The following KMT2B variants were observed in gnomAD, a reference collection of about 807,000 sequenced individuals.
The protein encoded by KMT2B is lysine methyltransferase 2B, also known as histone-lysine N-methyltransferase 2B.
KMT2B carries 22 observed loss-of-function variants against 255.3 expected under a neutral mutation model. That is an observed-to-expected ratio of 0.09 (90% CI 0.06 to 0.12). The LOEUF is 0.12. Among genes scored for constraint, KMT2B ranks in the 10% least tolerant of loss-of-function variants. KMT2B has a pLI of 1.00. For synonymous variants in KMT2B, 1,730 were observed against 1,498.1 expected (o/e 1.15, Z -3.57); for missense variants, 3,149 against 3,737.0 (o/e 0.84, Z 4.10).
chr19:35,729,898 C>T (rs1853336213), intron 22 of KMT2B, 69 bp from the exon 23 acceptor site: 2 of 1,476,644 alleles, frequency 1.4e-6, no homozygotes, highest in Non-Finnish European at 1.8e-6. Context: ...CATGCAGACT[C>T]AGTGACAGTG....
intron 14 of KMT2B, among the ~76,000 whole-genome samples, chr19:35,726,708 G>A (rs1327224053): frequency 6.6e-6 from 1 of 152,202 alleles, no homozygotes; most frequent in Non-Finnish European, 1.5e-5. Flanking sequence ...CTAAGGCCGA[G>A]CACAGTGGCT....
rs536497393 is a variant in KMT2B, at chr19:35,719,551, G to T, written c.436+10G>T. 1.9e-6 allele frequency: 3 copies of T among 1,582,192 alleles called. No individual in the cohort carries two copies. Among genetic ancestry groups the T allele is most frequent in the Admixed American group, 1.8e-5 (1 of 55,268 alleles). Reference sequence around the variant, plus strand: ...CTCCGATCCCAGCGAGGTGAGTGACGGGGGAACTCCACCTCTTTAGCGTCA... The same window carrying T: ...CTCCGATCCCAGCGAGGTGAGTGACTGGGGAACTCCACCTCTTTAGCGTCA... On this transcript the variant is annotated intron_variant, in intron 2 of 36. Coordinates refer to ENST00000420124, the MANE Select transcript of KMT2B (RefSeq NM_014727.3).
chr19:35,728,944 G>A (rs774353115), intron 20 of KMT2B, 41 bp from the exon 21 acceptor site: 11 of 1,612,552 alleles, frequency 6.8e-6, no homozygotes, highest in East Asian at 2.2e-5. Context: ...GCCTGGCTCC[G>A]GGTCCTGATT....
chr19:35,724,706 T>C lies in KMT2B; in HGVS notation c.3404T>C (p.Leu1135Pro), dbSNP rs1283870316. The C allele has an allele frequency of 6.3e-7, 1 of 1,595,674 alleles. No homozygotes were observed. Among genetic ancestry groups the C allele is most frequent in the East Asian group, 2.3e-5 (1 of 43,970 alleles). ...CCTACCCTGCAGCCTGTGTTGCAGC[T>C]CAAGGCCCGAAGGCGCCTGGACAAG... Reference protein sequence around the residue: ...RKPTLQPVLQLKARRRLDKDA... With the variant: ...RKPTLQPVLQPKARRRLDKDA... Residue 1135 changes from leucine to proline, a missense_variant, in exon 9 of 37, where the codon CTC becomes CCC. By Grantham distance (98) the Leu-to-Pro change is moderately conservative. Coordinates refer to ENST00000420124, the MANE Select transcript of KMT2B (RefSeq NM_014727.3).
At position 35,722,395 on chromosome 19, in the gene KMT2B, G is replaced by C. The variant is rs981012994; in HGVS notation, c.2494G>C (p.Ala832Pro). Residue 832 changes from alanine to proline, a missense_variant, in exon 4 of 37, where the codon GCT becomes CCT. Transcript: ENST00000420124. The part of the protein sequence containing the change: ...PGGQMEEVAG[A>P]VKQISDRGPV... ...AGGGCAGATGGAGGAGGTGGCCGGG[G>C]CTGTCAAGCAGATCTCCGACAGAGG... 1 of 1,610,960 alleles carries C rather than the reference G, an allele frequency of 6.2e-7. No individual in the cohort carries two copies. The highest frequency in any genetic ancestry group is 1.7e-5 in the Admixed American group (1 of 59,998).
chr19:35,727,187 T>C lies in KMT2B; in HGVS notation c.4035T>C (p.Tyr1345=), dbSNP rs1242175865. 1.9e-6 allele frequency: 3 copies of C among 1,613,418 alleles called. No individual in the cohort carries two copies. The highest frequency in any genetic ancestry group is 1.3e-5 in the African/African-American group (1 of 74,994). Residue 1345 remains tyrosine (Y), a synonymous_variant, in exon 15 of 37, where the codon TAT becomes TAC. Coordinates refer to ENST00000420124, the MANE Select transcript of KMT2B (RefSeq NM_014727.3). The surrounding 1 kb of genome is among the most constrained non-coding windows in gnomAD (Gnocchi z 4.2). The part of the protein sequence containing the change: ...GNYCPICTRC[Y]EDNDYESKMM... ...ACTGCCCGATCTGTACACGCTGCTA[T>C]GAAGACAACGACTATGAGAGCAAGA...
At position 35,732,082 on chromosome 19, in the gene KMT2B, C is replaced by T. The variant is rs1432547195; in HGVS notation, c.5612C>T (p.Ser1871Leu). 1.2e-6 allele frequency: 2 copies of T among 1,608,550 alleles called. No individual in the cohort carries two copies. The highest frequency in any genetic ancestry group is 2.2e-5 in the East Asian group (1 of 44,514). ...SGARIKVPNY[S>L]PSRRPLGGVS... ...GCTCGAATCAAAGTGCCCAACTACT[C>T]GCCATCCCGGAGGCCCTTGGGGGGT... is the stretch of plus-strand genomic sequence containing the variant. Residue 1871 changes from serine to leucine, a missense_variant, in exon 27 of 37, where the codon TCG becomes TTG. By Grantham distance (145) the Ser-to-Leu change is moderately radical. Around this residue, in one of 18 missense-constraint regions of KMT2B, gnomAD observed 897 missense variants for 825.3 expected, o/e 1.09. Transcript: ENST00000420124.
intron 26 of KMT2B, 106 bp from the exon 27 acceptor site, chr19:35,731,802 G>C: frequency 1.2e-6 from 1 of 867,774 alleles, no homozygotes; most frequent in South Asian, 1.5e-5. Flanking sequence ...GTTGTGACTG[G>C]GTCAGGGTCG....
In KMT2B at chr19:35,732,380, C is replaced by T. The variant is rs1339231950; in HGVS notation, c.5831C>T (p.Pro1944Leu). 1 of 1,613,196 alleles carries T rather than the reference C, an allele frequency of 6.2e-7. No homozygotes were observed. The highest frequency in any genetic ancestry group is 1.1e-5 in the South Asian group (1 of 90,952). The change falls in exon 28 of 37, where the codon CCT (proline) becomes CTT (leucine). Residue 1944 changes from proline to leucine, a missense_variant. By Grantham distance (98) the Pro-to-Leu change is moderately conservative. Coordinates refer to ENST00000420124, the MANE Select transcript of KMT2B (RefSeq NM_014727.3). ...TCCCCTCAGCTCAGGGTGCCCCCTC[C>T]TACCTCAGTCGTCACAGCCCTCACA... ...KTSPQLRVPP[P>L]TSVVTALTPT...
chr19:35,725,866 C>T lies in KMT2B; in HGVS notation c.3885+48C>T. ...TTGCTTTGTCTCTAATGAATATCAC[C>T]ACCACCCCCAAACTTGCTCTAGGCT... On this transcript the variant is annotated intron_variant, in intron 13 of 36. Coordinates refer to ENST00000420124, the MANE Select transcript of KMT2B (RefSeq NM_014727.3). The surrounding 1 kb of genome is among the most constrained non-coding windows in gnomAD (Gnocchi z 4.1). 2 of 1,462,250 alleles carry T rather than the reference C, an allele frequency of 1.4e-6. No homozygotes were observed. Among genetic ancestry groups the T allele is most frequent in the Non-Finnish European group, 1.9e-6 (2 of 1,066,288 alleles). The allele number at this position is 1,462,250 out of a possible 1,614,324, so 90.6% of individuals were successfully genotyped here. A position where few individuals can be genotyped will look rare whatever the true frequency, so the allele number is the denominator to read the frequency against.
chr19:35,730,153 TC>T (rs778514377), intron 23 of KMT2B, 28 bp downstream of exon 23: 1 of 1,612,916 alleles, frequency 6.2e-7, no homozygotes, highest in South Asian at 1.1e-5. Flanking sequence ...GGTACACGGT[TC>T]CTTCCCCACC....
rs1228682239 is a variant in KMT2B, at chr19:35,733,299, C to T, written c.6750C>T (p.Arg2250=). 6.9e-7 allele frequency: 1 copy of T among 1,446,586 alleles called. No homozygotes were observed. The highest frequency in any genetic ancestry group is 1.2e-5 in the South Asian group (1 of 81,714). The allele number at this position is 1,446,586 out of a possible 1,614,324, so 89.6% of individuals were successfully genotyped here. ...TGCTGCCCGTGGTCGGAGTGGTCCGCCCTGCCCCGCCCCCGCCACCCCCTC... is the reference window on the plus strand; with the variant it reads ...TGCTGCCCGTGGTCGGAGTGGTCCGTCCTGCCCCGCCCCCGCCACCCCCTC... ...LGVLPVVGVV[R]PAPPPPPPPL... Residue 2250 remains arginine (R), a synonymous_variant, in exon 28 of 37, where the codon CGC becomes CGT. Coordinates refer to ENST00000420124, the MANE Select transcript of KMT2B (RefSeq NM_014727.3). The surrounding 1 kb of genome is among the most constrained non-coding windows in gnomAD (Gnocchi z 4.3).
In KMT2B at chr19:35,732,833, T is replaced by C. The variant is rs777783398; in HGVS notation, c.6284T>C (p.Val2095Ala). The C allele has an allele frequency of 2.4e-5, 38 of 1,607,060 alleles. No individual in the cohort carries two copies. The highest frequency in any genetic ancestry group is 3.1e-5 in the Non-Finnish European group (36 of 1,177,554). The change falls in exon 28 of 37, where the codon GTC becomes GCC. Residue 2095 changes from valine (V) to alanine (A), a missense_variant. Val to Ala is a moderately conservative substitution (Grantham distance 64). Around this residue, in one of 18 missense-constraint regions of KMT2B, gnomAD observed 897 missense variants for 825.3 expected, o/e 1.09. Transcript: ENST00000420124. ...PSGPGVVRAG[V>A]LGAAGDRARP... ...GGGCCAGGAGTAGTCCGGGCAGGGG[T>C]CCTTGGGGCTGCAGGGGACAGGGCC...
In KMT2B at chr19:35,727,862, C is replaced by T. The variant is rs762154512; in HGVS notation, c.4393-19C>T. ...GAATTGTGCAGAGGGGACTCAGTCT[C>T]TGACAAACCCCCTTACAGCACAGCT... On this transcript the variant is annotated intron_variant, in intron 17 of 36. Coordinates refer to ENST00000420124, the MANE Select transcript of KMT2B (RefSeq NM_014727.3). This position sits in a 1 kb window ranked among gnomAD's most constrained non-coding sequence, Gnocchi z 4.2. The T allele has an allele frequency of 1.2e-6, 2 of 1,611,132 alleles. No individual in the cohort carries two copies. Among genetic ancestry groups the T allele is most frequent in the Non-Finnish European group, 1.7e-6 (2 of 1,178,040 alleles).
intron 8 of KMT2B, among the ~76,000 whole-genome samples, chr19:35,724,366 C>T (rs535333393): frequency 7.2e-5 from 11 of 152,138 alleles, no homozygotes; most frequent in Non-Finnish European, 1.6e-4. Context: ...TATGTGGTGG[C>T]ACGCATCTGT....
chr19:35,728,422 T>C (rs1370132270), intron 19 of KMT2B, among the ~76,000 whole-genome samples: 2 of 152,034 alleles, frequency 1.3e-5, no homozygotes, highest in African/African-American at 4.8e-5. Flanking sequence ...AAAGAGCTCA[T>C]TGTGGAGCCG....
rs1486476049 is a variant in KMT2B, at chr19:35,737,828, C to G, written c.7659-31C>G. 2 of 1,555,002 alleles carry G rather than the reference C, an allele frequency of 1.3e-6. No individual in the cohort carries two copies. The highest frequency in any genetic ancestry group is 4.8e-5 in the East Asian group (2 of 41,340). On this transcript the variant is annotated intron_variant, in intron 34 of 36. Coordinates refer to ENST00000420124, the MANE Select transcript of KMT2B (RefSeq NM_014727.3). The surrounding 1 kb of genome is among the most constrained non-coding windows in gnomAD (Gnocchi z 5.3). ...GGGTGAGAGAGGTCATTCTGAGCACCAGCCTGGGTGACACTGCTGTCCCTC... is the reference window on the plus strand; with the variant it reads ...GGGTGAGAGAGGTCATTCTGAGCACGAGCCTGGGTGACACTGCTGTCCCTC...
At position 35,725,832 on chromosome 19, in the gene KMT2B, T is replaced by G; in HGVS notation, c.3885+14T>G. 6.4e-7 allele frequency: 1 copy of G among 1,552,822 alleles called. No homozygotes were observed. Among genetic ancestry groups the G allele is most frequent in the Non-Finnish European group, 8.7e-7 (1 of 1,145,958 alleles). On this transcript the variant is annotated intron_variant, in intron 13 of 36. Transcript: ENST00000420124. The surrounding 1 kb of genome is among the most constrained non-coding windows in gnomAD (Gnocchi z 4.1). ...CGGCGCCACTGGGTGAGAGATGAGG[T>G]TCACCCACTTGCTTTGTCTCTAATG...
rs367816667 is a variant in KMT2B, at chr19:35,721,046, A to G, written c.1699A>G (p.Ile567Val). 11 of 1,562,276 alleles carry G rather than the reference A, an allele frequency of 7.0e-6. No individual in the cohort carries two copies. Among genetic ancestry groups the G allele is most frequent in the South Asian group, 2.2e-5 (2 of 88,964 alleles). Residue 567 changes from isoleucine (I) to valine (V), a missense_variant, in exon 3 of 37, where the codon ATT becomes GTT. Ile to Val is a conservative substitution (Grantham distance 29). Around this residue, in one of 18 missense-constraint regions of KMT2B, gnomAD observed 1,188 missense variants for 1,106.4 expected, o/e 1.07. Transcript: ENST00000420124. ...GGTCTCACCTGTCCTGCGACCTCCCATTACCACCTCCCCACCTGTTCCCCA... is the reference window on the plus strand; with the variant it reads ...GGTCTCACCTGTCCTGCGACCTCCCGTTACCACCTCCCCACCTGTTCCCCA... ...VEVSPVLRPPITTSPPVPQEP... is the reference protein window; with the variant it reads ...VEVSPVLRPPVTTSPPVPQEP...
Sources: allele counts gnomAD v4.1 joint callset (sites outside exome capture counted in the v4.1 genomes callset), GRCh38; gene constraint gnomAD v4.1.1; regional missense constraint gnomAD v4.1.1; non-coding constraint Gnocchi (gnomAD v3.1); transcripts MANE v1.5; gene names NCBI Gene and HGNC (gene_info 2026-07-23, HGNC 2026-07-21).